The following REPS2 variants were observed in gnomAD, a reference collection of about 807,000 sequenced individuals.
REPS2 encodes the protein ralBP1-associated Eps domain-containing protein 2.
Under a neutral mutation model 53.6 loss-of-function variants are expected in REPS2, and 23 were observed. The observed-to-expected ratio is 0.43, with a 90% CI of 0.31 to 0.61. REPS2 has a LOEUF of 0.61. Ranked by LOEUF, REPS2 falls within the 20% of genes least tolerant of loss-of-function variation. The pLI is 0.11. For missense variants in REPS2, 446 were observed against 534.9 expected (o/e 0.83, Z 1.64); for synonymous variants, 238 against 218.6 (o/e 1.09, Z -0.78).
chrX:17,053,219 T>C (rs1169101972), intron 7 of REPS2, among the ~76,000 whole-genome samples: 1 of 112,120 alleles, frequency 8.9e-6, no homozygotes, highest in Non-Finnish European at 1.9e-5. Flanking sequence ...TTGTCATGTT[T>C]TGTGCATCTT....
the REPS2 span, among the ~76,000 whole-genome samples, chrX:17,168,184 G>A: frequency 3.6e-5 from 4 of 111,242 alleles, no homozygotes; most frequent in African/African-American, 1.3e-4. Context: ...GTTTAAAAGT[G>A]TGGGGAAGTT....
At chrX:16,953,846 A>G (rs1450916893) in intron 1 of REPS2, among the ~76,000 whole-genome samples, 1 of 112,391 alleles carries the variant, frequency 8.9e-6, no homozygotes. Flanking sequence ...CGAAACGTGT[A>G]TGAAAATTAA....
chrX:17,032,040 G>A (rs2061715135), intron 5 of REPS2, among the ~76,000 whole-genome samples: 1 of 111,779 alleles, frequency 8.9e-6, no homozygotes, highest in Non-Finnish European at 1.9e-5. Flanking sequence ...AGATGGTGGT[G>A]TCACCTGTTG....
rs771708628 is a variant in REPS2 at position 17,144,472 on chromosome X, C to T, written c.1915-2941C>T. On this transcript the variant is annotated intron_variant, in intron 17 of 17. Transcript: ENST00000357277. ...TTTGAGTCTTTCAGGAATTCTCCTA[C>T]GTAAAATCAAGTTGGTTCTTATTTT... 1.7e-3 allele frequency among the ~76,000 whole-genome samples: 186 copies of T among 112,524 alleles called. 1 individual carries two copies. Among genetic ancestry groups the T allele is most frequent in the African/African-American group, 5.9e-3 (183 of 31,036 alleles).
In REPS2 at chrX:17,048,271, A is replaced by G. The variant is rs1254572819; in HGVS notation, c.907+789A>G. Among the ~76,000 whole-genome samples, 5 of 112,698 alleles carry G rather than the reference A, an allele frequency of 4.4e-5. No homozygotes were observed. In the South Asian group the frequency reaches 1.8e-3, roughly 41 times the overall value. ...AGGCACATAATTGAAATATACTTGT[A>G]TAAGTAATTGCAAACATCATTTACT... On this transcript the variant is annotated intron_variant, in intron 6 of 17. Coordinates refer to ENST00000357277, the MANE Select transcript of REPS2 (RefSeq NM_004726.3).
intron 2 of REPS2, 31 bp from the exon 3 acceptor site, chrX:17,022,092 A>T: frequency 2.5e-6 from 3 of 1,186,962 alleles, no homozygotes; most frequent in Non-Finnish European, 3.4e-6. Flanking sequence ...ATTAAGTCTG[A>T]CTAGAGCTTC....
At chrX:16,980,687 C>T (rs931040039) in intron 1 of REPS2, among the ~76,000 whole-genome samples, 43 of 112,131 alleles carry the variant, frequency 3.8e-4, no homozygotes, top group African/African-American at 1.3e-3. Context: ...ATTTTAATAA[C>T]GTTTTCAATA....
chrX:17,043,807 A>T (rs976325166), intron 5 of REPS2, among the ~76,000 whole-genome samples: 2 of 112,958 alleles, frequency 1.8e-5, no homozygotes, highest in Non-Finnish European at 3.7e-5. Flanking sequence ...TGGTGCCCAC[A>T]CAAGGCTGCC....
intron 1 of REPS2, among the ~76,000 whole-genome samples, chrX:16,965,790 A>T (rs1479102006): frequency 8.9e-6 from 1 of 112,490 alleles, no homozygotes; most frequent in South Asian, 3.6e-4. Context: ...GTGAGCTGAG[A>T]TCACGCCACT....
the REPS2 span, among the ~76,000 whole-genome samples, chrX:17,171,393 T>C: frequency 8.9e-6 from 1 of 112,262 alleles, no homozygotes; most frequent in Non-Finnish European, 1.9e-5. Flanking sequence ...GGCAGAAGCA[T>C]AACGCTAATT....
chrX:17,053,205 T>C (rs1036410812), intron 7 of REPS2, among the ~76,000 whole-genome samples: 2 of 111,940 alleles, frequency 1.8e-5, no homozygotes, highest in Admixed American at 1.9e-4. Flanking sequence ...GGATTTAAAA[T>C]TGCTTGTCAT....
chrX:17,084,608 G>A (rs922120464), intron 13 of REPS2, among the ~76,000 whole-genome samples: 15 of 112,131 alleles, frequency 1.3e-4, no homozygotes, highest in Non-Finnish European at 2.6e-4. Flanking sequence ...TGGGCATGAA[G>A]TGGTATTGTG....
At chrX:17,167,731 G>C in the REPS2 span, among the ~76,000 whole-genome samples, 4 of 108,855 alleles carry the variant, frequency 3.7e-5, no homozygotes, top group African/African-American at 1.3e-4. Context: ...CAATGTCTTG[G>C]ATCTAGGAGT....
At chrX:17,192,485 T>A in the REPS2 span, among the ~76,000 whole-genome samples, 1 of 111,742 alleles carries the variant, frequency 8.9e-6, no homozygotes, top group Admixed American at 9.5e-5. Context: ...AGTAGTCAAC[T>A]GGCCCTGCTA....
At chrX:16,979,325 G>A (rs927393168) in intron 1 of REPS2, among the ~76,000 whole-genome samples, 7 of 111,998 alleles carry the variant, frequency 6.3e-5, no homozygotes, top group Non-Finnish European at 1.1e-4. Flanking sequence ...TTTCAATTAG[G>A]ATGTTTCCAT....
chrX:16,947,917 A>T (rs1241245283), intron 1 of REPS2, among the ~76,000 whole-genome samples: 4 of 111,840 alleles, frequency 3.6e-5, no homozygotes, highest in African/African-American at 1.3e-4. Context: ...GTACTAGGGG[A>T]TGATACATAC....
intron 8 of REPS2, among the ~76,000 whole-genome samples, chrX:17,056,412 G>A (rs1215414809): frequency 8.9e-6 from 1 of 112,264 alleles, no homozygotes; most frequent in Non-Finnish European, 1.9e-5. Flanking sequence ...AAAATTAGCC[G>A]GGCGCAGTGG....
rs765681176 is a variant in REPS2 at position 16,984,428 on chromosome X, T to C, written c.274-21793T>C. Among the ~76,000 whole-genome samples the C allele has an allele frequency of 1.6e-4, 18 of 112,053 alleles. 1 individual carries two copies. The highest frequency in any genetic ancestry group is 3.2e-4 in the Non-Finnish European group (17 of 53,221). On this transcript the variant is annotated intron_variant, in intron 1 of 17. Transcript: ENST00000357277. The stretch of plus-strand genomic sequence containing the variant: ...AAGTCACAGATGATCACTTCTGCTC[T>C]TTTCTATTGGTCACATACACAACCC...
At chrX:17,134,993 G>A (rs901147885) in intron 15 of REPS2, among the ~76,000 whole-genome samples, 1 of 110,718 alleles carries the variant, frequency 9.0e-6, no homozygotes, top group Admixed American at 9.6e-5. Context: ...AGGCCCCATG[G>A]TGTGAGATGC....
Sources: gnomAD v4.1 joint callset for allele counts (sites outside exome capture counted in the v4.1 genomes callset) on GRCh38, gnomAD v4.1.1 for gene constraint, MANE v1.5 for transcripts, NCBI Gene and HGNC (gene_info 2026-07-23, HGNC 2026-07-21) for gene names.